CTNNA3: variants seen among roughly 807,000 people sequenced by gnomAD.
The protein encoded by CTNNA3 is catenin alpha 3, also known as catenin alpha-3.
Under a neutral mutation model 95.7 loss-of-function variants are expected in CTNNA3, and 76 were observed. The ratio of observed to expected loss-of-function variants is 0.79; its 90% CI spans 0.66 to 0.96. The LOEUF (loss-of-function observed/expected upper bound fraction) is 0.96. Among genes scored for constraint, CTNNA3 ranks in the 40% least tolerant of loss-of-function variants. CTNNA3 has a pLI of 0.00. For missense variants in CTNNA3, 1,191 were observed against 1,089.8 expected (o/e 1.09, Z -1.31); for synonymous variants, 431 against 374.4 (o/e 1.15, Z -1.74).
chr10:65,936,010 A>G (rs1358408005), intron 17 of CTNNA3, among the ~76,000 whole-genome samples: 1 of 152,146 alleles, frequency 6.6e-6, no homozygotes, highest in Non-Finnish European at 1.5e-5. Flanking sequence ...AAAAGTATCA[A>G]TCTTGCTTCT....
At chr10:66,573,751 T>A (rs1039106842) in intron 10 of CTNNA3, among the ~76,000 whole-genome samples, 5 of 152,176 alleles carry the variant, frequency 3.3e-5, no homozygotes, top group Non-Finnish European at 7.3e-5. Context: ...TTATAATGAA[T>A]TAGGCATTAA....
chr10:65,925,584 A>G (rs912762545), intron 17 of CTNNA3, among the ~76,000 whole-genome samples: 9 of 152,048 alleles, frequency 5.9e-5, no homozygotes, highest in Non-Finnish European at 1.3e-4. Flanking sequence ...TTACAGGTGC[A>G]TGCCACCATG....
At chr10:66,125,828 G>A (rs1040589983) in intron 13 of CTNNA3, among the ~76,000 whole-genome samples, 1 of 152,168 alleles carries the variant, frequency 6.6e-6, no homozygotes, top group African/African-American at 2.4e-5. Flanking sequence ...AACAATGAGA[G>A]ACTGCCAATG....
At chr10:66,230,430 A>G (rs963971586) in intron 13 of CTNNA3, among the ~76,000 whole-genome samples, 2 of 152,078 alleles carry the variant, frequency 1.3e-5, no homozygotes, top group Non-Finnish European at 2.9e-5. Flanking sequence ...GCACTGTTGT[A>G]TATTATCCAT....
At chr10:66,313,306 T>C (rs2092049955) in intron 12 of CTNNA3, among the ~76,000 whole-genome samples, 1 of 152,214 alleles carries the variant, frequency 6.6e-6, no homozygotes, top group African/African-American at 2.4e-5. Context: ...TAAGATTTGC[T>C]TCTGTTTCAC....
chr10:66,097,190 C>T (rs764660846), intron 14 of CTNNA3, among the ~76,000 whole-genome samples: 4 of 152,068 alleles, frequency 2.6e-5, no homozygotes, highest in Non-Finnish European at 4.4e-5. Context: ...TTTCAAAAGA[C>T]TTCTGGTAGT....
At chr10:66,226,699 T>C (rs914998619) in intron 13 of CTNNA3, among the ~76,000 whole-genome samples, 7 of 152,004 alleles carry the variant, frequency 4.6e-5, no homozygotes, top group African/African-American at 7.2e-5. Flanking sequence ...TGGGATGTCT[T>C]TCCATTTTAT....
chr10:66,401,906 G>C (rs925869568), intron 11 of CTNNA3, among the ~76,000 whole-genome samples: 8 of 151,926 alleles, frequency 5.3e-5, no homozygotes, highest in African/African-American at 1.5e-4. Flanking sequence ...TGATCCACCT[G>C]CCTCAGTCTC....
At chr10:66,090,260 G>A (rs748421036) in intron 14 of CTNNA3, among the ~76,000 whole-genome samples, 61 of 151,928 alleles carry the variant, frequency 4.0e-4, no homozygotes, top group Non-Finnish European at 7.7e-4. Context: ...CAATCAGGCT[G>A]GCTCTCCCCA....
At chr10:66,717,288 T>G (rs1195651715) in intron 9 of CTNNA3, among the ~76,000 whole-genome samples, 2 of 152,154 alleles carry the variant, frequency 1.3e-5, no homozygotes, top group African/African-American at 4.8e-5. Flanking sequence ...AATTCCATCT[T>G]CTTTTATCCC....
intron 7 of CTNNA3, among the ~76,000 whole-genome samples, chr10:66,814,279 A>G (rs2132272172): frequency 6.6e-6 from 1 of 152,000 alleles, no homozygotes; most frequent in East Asian, 1.9e-4. Flanking sequence ...AAAAAAAAAA[A>G]AAAGAAACAT....
At chr10:66,422,819 G>A (rs1197874192) in intron 11 of CTNNA3, among the ~76,000 whole-genome samples, 3 of 151,720 alleles carry the variant, frequency 2.0e-5, no homozygotes, top group Non-Finnish European at 2.9e-5. Context: ...TAGTAGAGAT[G>A]GGGTTTCGCC....
At chr10:66,712,547 T>C (rs916525143) in intron 9 of CTNNA3, among the ~76,000 whole-genome samples, 1 of 152,024 alleles carries the variant, frequency 6.6e-6, no homozygotes, top group Non-Finnish European at 1.5e-5. Flanking sequence ...AAGTTATTAA[T>C]AAATGTCAAA....
intron 15 of CTNNA3, among the ~76,000 whole-genome samples, chr10:66,047,103 G>A (rs2079844952): frequency 6.6e-6 from 1 of 152,112 alleles, no homozygotes; most frequent in Non-Finnish European, 1.5e-5. Flanking sequence ...AATGGAGGAG[G>A]AGGGACTCTT....
intron 13 of CTNNA3, among the ~76,000 whole-genome samples, chr10:66,279,551 G>T (rs930773420): frequency 6.6e-6 from 1 of 151,938 alleles, no homozygotes; most frequent in South Asian, 2.1e-4. Flanking sequence ...TATCCAGTTT[G>T]TTCATGTCAG....
chr10:65,988,556 G>A, intron 16 of CTNNA3, 136 bp downstream of exon 16: 1 of 612,790 alleles, frequency 1.6e-6, no homozygotes, highest in Non-Finnish European at 2.9e-6. Flanking sequence ...TGTATTAATA[G>A]AGCTATTAGA....
chr10:67,550,532 T>C (rs990457767), intron 3 of CTNNA3, among the ~76,000 whole-genome samples: 1 of 151,438 alleles, frequency 6.6e-6, no homozygotes, highest in East Asian at 1.9e-4. Context: ...AATAAAGAAA[T>C]AAAGGTGAAA....
intron 7 of CTNNA3, among the ~76,000 whole-genome samples, chr10:67,160,625 C>T (rs148637379): frequency 4.0e-5 from 6 of 151,876 alleles, no homozygotes; most frequent in South Asian, 2.1e-4. Context: ...TTTGTAGAAA[C>T]GGGGTTTTGC....
intron 7 of CTNNA3, among the ~76,000 whole-genome samples, chr10:66,778,942 C>T (rs534959354): frequency 1.1e-4 from 16 of 152,192 alleles, no homozygotes; most frequent in African/African-American, 3.9e-4. Context: ...CGCCACTGCA[C>T]TCCAGCCTGG....
Sources: allele counts gnomAD v4.1 joint callset (sites outside exome capture counted in the v4.1 genomes callset), GRCh38; gene constraint gnomAD v4.1.1; transcripts MANE v1.5; gene names NCBI Gene and HGNC (gene_info 2026-07-23, HGNC 2026-07-21).